The following ALS2 variants were observed in gnomAD, a reference collection of about 807,000 sequenced individuals.
ALS2 encodes the protein alsin Rho guanine nucleotide exchange factor ALS2, also known as alsin.
A neutral mutation model predicts 203.4 loss-of-function variants in ALS2; 117 were observed. The observed-to-expected ratio is 0.58, with a 90% CI of 0.50 to 0.67. The LOEUF (loss-of-function observed/expected upper bound fraction) is 0.67, where lower values mean the gene tolerates loss of function less well. Among genes scored for constraint, ALS2 ranks in the 30% least tolerant of loss-of-function variants. ALS2 has a pLI of 0.00. For missense variants in ALS2, 1,715 were observed against 1,989.4 expected, an observed-to-expected ratio of 0.86 and a Z score of 2.62; for synonymous variants, 718 against 725.9, an observed-to-expected ratio of 0.99 and a Z score of 0.17.
intron 3 of ALS2, among the ~76,000 whole-genome samples, chr2:201,766,917 G>C (rs2106101496): frequency 6.8e-6 from 1 of 147,310 alleles, no homozygotes; most frequent in South Asian, 2.3e-4. Flanking sequence ...ACAGTAAGGG[G>C]AACATCACAC....
chr2:201,754,309 G>A (rs1163066388), intron 6 of ALS2, among the ~76,000 whole-genome samples, 194 bp downstream of exon 6: 1 of 152,116 alleles, frequency 6.6e-6, no homozygotes, highest in Non-Finnish European at 1.5e-5. Flanking sequence ...CACCAGGCCT[G>A]GCCAAGTCCT....
At chr2:201,735,196 G>C (rs1194191743) in intron 12 of ALS2, among the ~76,000 whole-genome samples, 4 of 152,018 alleles carry the variant, frequency 2.6e-5, no homozygotes, top group Non-Finnish European at 5.9e-5. Flanking sequence ...GAGGTTACCA[G>C]AGCCAGGCAG....
chr2:201,716,168 G>A (rs1261846973), intron 24 of ALS2, among the ~76,000 whole-genome samples: 2 of 152,106 alleles, frequency 1.3e-5, no homozygotes, highest in Non-Finnish European at 2.9e-5. Context: ...AGCACTCTGG[G>A]AGGCCAAGGC....
intron 23 of ALS2, 69 bp downstream of exon 23, chr2:201,722,973 AT>A: frequency 2.4e-6 from 3 of 1,267,330 alleles, no homozygotes; most frequent in Non-Finnish European, 3.4e-6. Flanking sequence ...TAAATCAGCT[AT>A]TTTTAAAGTA....
intron 7 of ALS2, among the ~76,000 whole-genome samples, chr2:201,750,393 A>G (rs899243852): frequency 6.6e-6 from 1 of 152,202 alleles, no homozygotes; most frequent in African/African-American, 2.4e-5. Context: ...CATATGTAAG[A>G]GGCAGGATTT....
intron 20 of ALS2, 46 bp downstream of exon 20, chr2:201,725,310 G>A (rs1574703053): frequency 2.0e-6 from 3 of 1,502,316 alleles, no homozygotes; most frequent in South Asian, 2.2e-5. Flanking sequence ...GGTTTACATG[G>A]TTATATGAAA....
chr2:201,723,247 A>G, intron 22 of ALS2, 83 bp downstream of exon 22: 9 of 1,413,096 alleles, frequency 6.4e-6, no homozygotes, highest in Non-Finnish European at 9.0e-6. Context: ...GAAGGTGGAA[A>G]CTAATCAAAA....
chr2:201,763,117 C>T (rs567268958), intron 3 of ALS2: 11 of 206,160 alleles, frequency 5.3e-5, no homozygotes, highest in Middle Eastern at 2.1e-3. Flanking sequence ...CTACAATGGC[C>T]ACTTGCTCCA....
At chr2:201,780,046 A>C (rs1458626160) in intron 1 of ALS2, 4 of 152,226 alleles carry the variant, frequency 2.6e-5, no homozygotes, top group Admixed American at 1.3e-4. Context: ...CTGAGTAAAG[A>C]TCTTCACTTG....
In ALS2 at chr2:201,768,249, C is replaced by T. The variant is rs545116075; in HGVS notation, c.20+617G>A. 3.9e-5 allele frequency among the ~76,000 whole-genome samples: 6 copies of T among 152,332 alleles called. 1 individual carries two copies. The highest frequency in any genetic ancestry group is 3.4e-3 in the Middle Eastern group (1 of 294). On this transcript the variant is annotated intron_variant, in intron 2 of 33. Transcript: ENST00000264276. ...CAAGTTCTAGCTAAAGAATTCTACA[C>T]ATCTGATGATTTCGGTTTAAAGAAT...
chr2:201,708,350 C>A (rs1402943323), intron 27 of ALS2, among the ~76,000 whole-genome samples: 3 of 152,090 alleles, frequency 2.0e-5, no homozygotes, highest in Non-Finnish European at 2.9e-5. Context: ...AATTAAGTGT[C>A]CAACATTAAG....
At chr2:201,725,912 C>T (rs1691134055) in intron 19 of ALS2, among the ~76,000 whole-genome samples, 1 of 152,202 alleles carries the variant, frequency 6.6e-6, no homozygotes, top group African/African-American at 2.4e-5. Flanking sequence ...ACAAAATCAC[C>T]TACCCAACAT....
intron 24 of ALS2, among the ~76,000 whole-genome samples, chr2:201,717,751 G>A (rs891678474): frequency 1.8e-4 from 28 of 151,816 alleles, no homozygotes; most frequent in Non-Finnish European, 1.5e-5. Flanking sequence ...AGACCAGCCT[G>A]AGCAATAGCA....
At chr2:201,714,191 C>A (rs1690220689) in intron 25 of ALS2, among the ~76,000 whole-genome samples, 1 of 152,212 alleles carries the variant, frequency 6.6e-6, no homozygotes, top group Non-Finnish European at 1.5e-5. Flanking sequence ...GGGAATTAAG[C>A]TTCGTAAAAG....
intron 23 of ALS2, among the ~76,000 whole-genome samples, chr2:201,719,620 T>TAAAAAA (rs542754206): frequency 0.024 from 3,469 of 145,864 alleles, 53 homozygotes; most frequent in Non-Finnish European, 0.036. Flanking sequence ...AAAATAAAAA[T>TAAAAAA]AAAAGTGCCA....
intron 13 of ALS2, among the ~76,000 whole-genome samples, chr2:201,730,380 A>G (rs926166045): frequency 4.6e-5 from 7 of 152,162 alleles, no homozygotes; most frequent in Non-Finnish European, 8.8e-5. Flanking sequence ...TATAACATCA[A>G]AAATCACAGG....
At chr2:201,715,939 G>A (rs186833564) in intron 24 of ALS2, 100 bp from the exon 25 acceptor site, 18 of 1,342,980 alleles carry the variant, frequency 1.3e-5, no homozygotes, top group South Asian at 2.4e-5. Flanking sequence ...TGCTTTTTTC[G>A]TGACCAAAAC....
At chr2:201,749,270 A>G (rs1419087539) in intron 8 of ALS2, among the ~76,000 whole-genome samples, 1 of 152,116 alleles carries the variant, frequency 6.6e-6, no homozygotes, top group African/African-American at 2.4e-5. Flanking sequence ...GAAAGTGAAA[A>G]GGCTTACAAA....
chr2:201,729,206 G>GA (rs113406595), intron 13 of ALS2, 23 bp from the exon 14 acceptor site: 60,879 of 1,143,930 alleles, frequency 0.053, no homozygotes, highest in Non-Finnish European at 0.061. Flanking sequence ...AATTAAAGAG[G>GA]AAAAAAAAAA....
Sources: gnomAD v4.1 joint callset for allele counts (sites outside exome capture counted in the v4.1 genomes callset) on GRCh38, gnomAD v4.1.1 for gene constraint, MANE v1.5 for transcripts, NCBI Gene and HGNC (gene_info 2026-07-23, HGNC 2026-07-21) for gene names.